Variants in ZNF677 observed in about 807,000 individuals in gnomAD.
The protein encoded by ZNF677 is zinc finger protein 677.
ZNF677 carries 5 observed loss-of-function variants against 8.1 expected under a neutral mutation model. The ratio of observed to expected loss-of-function variants is 0.62; its 90% CI spans 0.32 to 1.29. The LOEUF (loss-of-function observed/expected upper bound fraction) is 1.29. ZNF677 is among the 50% of genes most tolerant of loss of function. The probability of loss-of-function intolerance (pLI) is 0.05; values close to 1 mark genes in which losing one functional copy is unlikely to be tolerated. For synonymous variants in ZNF677, 221 were observed against 225.6 expected (o/e 0.98, Z 0.18); for missense variants, 685 against 685.9 (o/e 1.00, Z 0.01).
chr19:53,238,940 T>C (rs1455992569), intron 4 of ZNF677: 1 of 154,490 alleles, frequency 6.5e-6, no homozygotes, highest in Non-Finnish European at 1.4e-5. Flanking sequence ...TAGTACATAA[T>C]TATTACACAC....
intron 2 of ZNF677, among the ~76,000 whole-genome samples, chr19:53,251,818 T>C (rs1183145328): frequency 1.3e-5 from 2 of 152,224 alleles, no homozygotes; most frequent in Non-Finnish European, 2.9e-5. Flanking sequence ...CCCTTCTTGC[T>C]GAAACCCACA....
At chr19:53,238,760 AT>A in intron 4 of ZNF677, 1 of 443,646 alleles carries the variant, frequency 2.3e-6, no homozygotes, top group East Asian at 3.8e-5. Flanking sequence ...GTAACAAATT[AT>A]TTTAAGCACA....
At chr19:53,239,485 A>G (rs2091014476) in intron 4 of ZNF677, 1 of 152,224 alleles carries the variant, frequency 6.6e-6, no homozygotes, top group Non-Finnish European at 1.5e-5. Context: ...CAGTATATAG[A>G]GAAACTCCCT....
chr19:53,239,246 A>C (rs1171907123), intron 4 of ZNF677: 1 of 152,234 alleles, frequency 6.6e-6, no homozygotes, highest in Admixed American at 6.5e-5. Flanking sequence ...GTGAAAATCT[A>C]ACAGGCAAGT....
chr19:53,236,748 A>G lies in ZNF677; in HGVS notation c.*224T>C. On this transcript the variant is annotated 3_prime_UTR_variant, in exon 5 of 5. Coordinates refer to ENST00000598513, the MANE Select transcript of ZNF677 (RefSeq NM_182609.4). ...TAACCATAATAGGGTAAATATTTTT[A>G]TAAAGCTGTTCACATTCATTATATT... The G allele has an allele frequency of 2.6e-6, 1 of 389,238 alleles. No homozygotes were observed. The highest frequency in any genetic ancestry group is 4.5e-6 in the Non-Finnish European group (1 of 220,142). The allele number at this position is 389,238 out of a possible 1,614,324, so 24.1% of individuals were successfully genotyped here.
chr19:53,246,691 T>C (rs919804206), intron 3 of ZNF677, among the ~76,000 whole-genome samples: 2 of 152,116 alleles, frequency 1.3e-5, no homozygotes, highest in African/African-American at 4.8e-5. Context: ...GTAAAACTCA[T>C]AGAAACAGAG....
Position 53,237,846 on chromosome 19 carries a change from T to A in ZNF677, c.881A>T (p.Asn294Ile). ...CTGGTTAAAGGCTTTGCCACACTCG[T>A]TACATTTGTAAGGTCTCTGTCCAGA... ...IHSGQRPYKC[N>I]ECGKAFNQCS... Residue 294 changes from asparagine (N) to isoleucine (I), a missense_variant, in exon 5 of 5, where the codon AAC becomes ATC. Asn to Ile is a moderately radical substitution (Grantham distance 149). Coordinates refer to ENST00000598513, the MANE Select transcript of ZNF677 (RefSeq NM_182609.4). The A allele has an allele frequency of 6.2e-7, 1 of 1,613,486 alleles. No individual in the cohort carries two copies. The highest frequency in any genetic ancestry group is 1.1e-5 in the South Asian group (1 of 91,010).
intron 2 of ZNF677, among the ~76,000 whole-genome samples, chr19:53,252,475 A>G (rs2091250296): frequency 6.6e-6 from 1 of 152,258 alleles, no homozygotes; most frequent in South Asian, 2.1e-4. Flanking sequence ...ATAGGGCAGT[A>G]GCAAAGGTTT....
In ZNF677 at chr19:53,237,077, A is replaced by T. The variant is rs759410174; in HGVS notation, c.1650T>A (p.Asn550Lys). 1 of 1,613,512 alleles carries T rather than the reference A, an allele frequency of 6.2e-7. No homozygotes were observed. The highest frequency in any genetic ancestry group is 8.5e-7 in the Non-Finnish European group (1 of 1,179,828). ...CAAGGTTTGAACTTTGGAATAAAGCATTACCATGTATATTATGTTTACAAT... is the reference window on the plus strand; with the variant it reads ...CAAGGTTTGAACTTTGGAATAAAGCTTTACCATGTATATTATGTTTACAAT... Reference protein sequence around the residue: ...KKHCKHNIHGNALFQSSNLGD... With the variant: ...KKHCKHNIHGKALFQSSNLGD... Residue 550 changes from asparagine to lysine, a missense_variant, in exon 5 of 5, where the codon AAT becomes AAA. By Grantham distance (94) the Asn-to-Lys change is moderately conservative. Transcript: ENST00000598513.
chr19:53,254,491 G>A (rs1001573076), intron 1 of ZNF677: 1 of 152,244 alleles, frequency 6.6e-6, no homozygotes, highest in Non-Finnish European at 1.5e-5. Flanking sequence ...AGGGCGAAGG[G>A]TGTGTATCCA....
At position 53,237,786 on chromosome 19, in the gene ZNF677, G is replaced by C. The variant is rs140696477; in HGVS notation, c.941C>G (p.Thr314Arg). 4.5e-5 allele frequency: 72 copies of C among 1,613,438 alleles called. No individual in the cohort carries two copies. The African/African-American group carries it at 8.1e-4, about 18-fold the overall frequency. The change falls in exon 5 of 5, where the codon ACA (threonine) becomes AGA (arginine). Residue 314 changes from threonine (T) to arginine (R), a missense_variant. Coordinates refer to ENST00000598513, the MANE Select transcript of ZNF677 (RefSeq NM_182609.4). ...SNLTRHQRVHTGEKPYQCNIC... is the reference protein window; with the variant it reads ...SNLTRHQRVHRGEKPYQCNIC... ...ATTACATTGATATGGTTTCTCTCCT[G>C]TATGGACTCTCTGATGCCTAGTGAG...
intron 2 of ZNF677, among the ~76,000 whole-genome samples, chr19:53,251,915 T>C (rs2091240667): frequency 6.6e-6 from 1 of 152,188 alleles, no homozygotes; most frequent in Non-Finnish European, 1.5e-5. Flanking sequence ...CAGTATCCAA[T>C]GACTGTCAGT....
Position 53,243,811 on chromosome 19 carries a change from C to T in ZNF677, c.102G>A (p.Arg34=), listed in dbSNP as rs766443944. The T allele has an allele frequency of 5.6e-6, 9 of 1,614,060 alleles. No homozygotes were observed. Among genetic ancestry groups the T allele is most frequent in the Non-Finnish European group, 7.6e-6 (9 of 1,180,042 alleles). ...TCCTGTAGTTCTCCAACATCACGTC[C>T]CTGTACAAGGCCCTCTGGGCAGGGT... is the stretch of plus-strand genomic sequence containing the variant. The part of the protein sequence containing the change: ...CLDPAQRALY[R]DVMLENYRNL... Residue 34 remains arginine (R), a synonymous_variant, in exon 4 of 5, where the codon AGG becomes AGA. Coordinates refer to ENST00000598513, the MANE Select transcript of ZNF677 (RefSeq NM_182609.4).
Position 53,237,295 on chromosome 19 carries a change from G to A in ZNF677, c.1432C>T (p.Gln478Ter). ...FIKRSHLWGH[Q>*]RTHTGEKPYK... is the part of the protein sequence containing the mutation. ...GGTTTCTCTCCAGTATGAGTTCTCT[G>A]ATGACCCCAAAGGTGTGAACGTTTG... Residue 478 changes from glutamine (Q) to a stop codon, truncating the protein, a stop_gained, in exon 5 of 5, where the codon CAG becomes TAG. Transcript: ENST00000598513. LOFTEE classifies it low-confidence loss of function (END_TRUNC). 1 of 1,613,106 alleles carries A rather than the reference G, an allele frequency of 6.2e-7. No individual in the cohort carries two copies.
Position 53,236,772 on chromosome 19 carries a change from T to C in ZNF677, c.*200A>G, listed in dbSNP as rs528624508. 6 of 459,074 alleles carry C rather than the reference T, an allele frequency of 1.3e-5. No individual in the cohort carries two copies. In the South Asian group the frequency reaches 2.5e-4, roughly 19 times the overall value. The allele number at this position is 459,074 out of a possible 1,614,324, so 28.4% of individuals were successfully genotyped here. On this transcript the variant is annotated 3_prime_UTR_variant, in exon 5 of 5. Transcript: ENST00000598513. ...TATAAAGCTGTTCACATTCATTATATTTGTAAGGCTTCTCTACAGTAAGAA... is the reference window on the plus strand; with the variant it reads ...TATAAAGCTGTTCACATTCATTATACTTGTAAGGCTTCTCTACAGTAAGAA...
At chr19:53,242,433 G>A (rs1481031349) in intron 4 of ZNF677, 1 of 398,492 alleles carries the variant, frequency 2.5e-6, no homozygotes, top group East Asian at 3.6e-5. Context: ...AGGCTGCAAG[G>A]TGAGAACCTA....
At chr19:53,245,990 C>A (rs1237940619) in intron 3 of ZNF677, among the ~76,000 whole-genome samples, 1 of 145,580 alleles carries the variant, frequency 6.9e-6, no homozygotes, top group South Asian at 2.2e-4. Flanking sequence ...CCAGCCTGGG[C>A]AACAGAGGAA....
At chr19:53,244,513 T>C (rs1006333820) in intron 3 of ZNF677, among the ~76,000 whole-genome samples, 2 of 152,230 alleles carry the variant, frequency 1.3e-5, no homozygotes, top group Non-Finnish European at 2.9e-5. Context: ...TCACTCCCCA[T>C]GTGACTTTAA....
chr19:53,251,720 G>GC (rs1200841489), intron 2 of ZNF677, 115 bp from the exon 3 acceptor site: 2 of 661,528 alleles, frequency 3.0e-6, no homozygotes, highest in Non-Finnish European at 5.0e-6. Context: ...GCTTCCAATT[G>GC]CAACAAGAGT....
Sources: allele counts gnomAD v4.1 joint callset (sites outside exome capture counted in the v4.1 genomes callset), GRCh38; gene constraint gnomAD v4.1.1; transcripts MANE v1.5; gene names NCBI Gene and HGNC (gene_info 2026-07-23, HGNC 2026-07-21).